WNT4: variants seen among roughly 807,000 people sequenced by gnomAD.
WNT4 encodes protein Wnt-4.
A neutral mutation model predicts 34.5 loss-of-function variants in WNT4; 16 were observed. The ratio of observed to expected loss-of-function variants is 0.46; its 90% CI spans 0.31 to 0.70. The LOEUF (loss-of-function observed/expected upper bound fraction) is 0.70, where lower values mean the gene tolerates loss of function less well. WNT4 is among the 30% of genes least tolerant of loss of function. WNT4 has a pLI of 0.04. For synonymous variants in WNT4, 200 were observed against 211.9 expected (o/e 0.94, Z 0.49); for missense variants, 379 against 495.9 (o/e 0.76, Z 2.24).
chr1:22,126,471 C>T (rs1296178970), intron 2 of WNT4, among the ~76,000 whole-genome samples: 1 of 152,352 alleles, frequency 6.6e-6, no homozygotes, highest in East Asian at 1.9e-4. Context: ...TGTTACCACC[C>T]TCTGCTTGCC....
Position 22,120,209 on chromosome 1 carries a change from C to A in WNT4, c.897G>T (p.Thr299=), listed in dbSNP as rs139205770. ...LGTRGRTCNK[T]SKAIDGCELL... ...GCTCACAGCCGTCGATGGCCTTGGA[C>A]GTCTTGTTGCATGTGCGGCCCCTCG... The change falls in exon 5 of 5, where the codon ACG becomes ACT. Residue 299 remains threonine, a synonymous_variant. Coordinates refer to ENST00000290167, the MANE Select transcript of WNT4 (RefSeq NM_030761.5). 1,085 of 1,613,892 alleles carry A rather than the reference C, an allele frequency of 6.7e-4. 1 individual carries two copies. Among genetic ancestry groups the A allele is most frequent in the Non-Finnish European group, 8.9e-4 (1,046 of 1,180,002 alleles).
At chr1:22,127,508 T>C (rs2235526) in intron 2 of WNT4, 81,993 of 526,350 alleles carry the variant, frequency 0.16, 6,844 homozygotes, top group Admixed American at 0.21. Context: ...CAATGAGCCA[T>C]GAACCTTGCC....
In WNT4 at chr1:22,140,085, G is replaced by T; in HGVS notation, c.77+2761C>A. On this transcript the variant is annotated intron_variant, in intron 1 of 4. Transcript: ENST00000290167. The surrounding 1 kb of genome is among the most constrained non-coding windows in gnomAD (Gnocchi z 5.9). ...CAGATAGTCCTGGCTCTCGCCACTG[G>T]CCAGCAGACCCACCCTGGACTCCAG... The T allele has an allele frequency of 4.0e-6, 3 of 753,202 alleles. No homozygotes were observed. The highest frequency in any genetic ancestry group is 4.9e-6 in the Non-Finnish European group (3 of 617,870). The allele number at this position is 753,202 out of a possible 1,614,324, so 46.7% of individuals were successfully genotyped here. A position where few individuals can be genotyped will look rare whatever the true frequency, so the allele number is the denominator to read the frequency against.
At position 22,120,014 on chromosome 1, in the gene WNT4, C is replaced by T. The variant is rs774575858; in HGVS notation, c.*36G>A. The T allele has an allele frequency of 6.3e-7, 1 of 1,599,048 alleles. No homozygotes were observed. The highest frequency in any genetic ancestry group is 8.5e-7 in the Non-Finnish European group (1 of 1,177,506). On this transcript the variant is annotated 3_prime_UTR_variant, in exon 5 of 5. Coordinates refer to ENST00000290167, the MANE Select transcript of WNT4 (RefSeq NM_030761.5). ...TTTAAATTATCGGCCTTCCCTGGGC[C>T]ACTAGGTGGTTGCCGGCGCAGGGCT...
intron 4 of WNT4, 81 bp from the exon 5 acceptor site, chr1:22,120,598 G>A: frequency 7.0e-7 from 1 of 1,420,600 alleles, no homozygotes; most frequent in Non-Finnish European, 9.7e-7. Context: ...TGACAGCCGA[G>A]CATCGGGGTC....
intron 2 of WNT4, among the ~76,000 whole-genome samples, chr1:22,128,159 T>A (rs1284432509): frequency 2.0e-5 from 3 of 152,246 alleles, no homozygotes; most frequent in Non-Finnish European, 4.4e-5. Context: ...CATGCCTTTT[T>A]GGCCCCTGCC....
At chr1:22,130,824 G>A (rs1004296401) in intron 1 of WNT4, among the ~76,000 whole-genome samples, 2 of 152,206 alleles carry the variant, frequency 1.3e-5, no homozygotes, top group African/African-American at 4.8e-5. Context: ...TGAATGAATG[G>A]TGACCAAATA....
Position 22,129,691 on chromosome 1 carries a change from A to T in WNT4, c.238T>A (p.Tyr80Asn). 1.2e-6 allele frequency: 2 copies of T among 1,613,808 alleles called. No homozygotes were observed. Among genetic ancestry groups the T allele is most frequent in the Non-Finnish European group, 8.5e-7 (1 of 1,179,998 alleles). The change falls in exon 2 of 5, where the codon TAC becomes AAC. Residue 80 changes from tyrosine (Y) to asparagine (N), a missense_variant. Tyr to Asn is a moderately radical substitution (Grantham distance 143). This residue lies in a region of WNT4 where 313 missense variants were observed against 445.8 expected (regional missense o/e 0.70). Transcript: ENST00000290167. ...GAQLAIEECQ[Y>N]QFRNRRWNCS... Reference sequence around the variant, plus strand: ...TTCCAGCGCCGGTTCCGGAACTGGTACTGGCACTCCTCAATGGCCAGCTGG... The same window carrying T: ...TTCCAGCGCCGGTTCCGGAACTGGTTCTGGCACTCCTCAATGGCCAGCTGG...
chr1:22,135,229 T>G (rs1206408311), intron 1 of WNT4, among the ~76,000 whole-genome samples: 3 of 152,224 alleles, frequency 2.0e-5, no homozygotes, highest in African/African-American at 7.2e-5. Flanking sequence ...GGACCTTCAC[T>G]TATACTCTGC....
In WNT4 at chr1:22,142,432, C is replaced by G. The variant is rs963472102; in HGVS notation, c.77+414G>C. 6.6e-6 allele frequency among the ~76,000 whole-genome samples: 1 copy of G among 152,194 alleles called. No homozygotes were observed. The highest frequency in any genetic ancestry group is 2.4e-5 in the African/African-American group (1 of 41,462). On this transcript the variant is annotated intron_variant, in intron 1 of 4. Transcript: ENST00000290167. This position sits in a 1 kb window ranked among gnomAD's most constrained non-coding sequence, Gnocchi z 6.0. ...GGCGCTGGGAGCTCGCTCCGGACTT[C>G]TCGGGATTAACCTGCTATTATGTCC... is the stretch of plus-strand genomic sequence containing the variant.
intron 1 of WNT4, among the ~76,000 whole-genome samples, chr1:22,131,110 C>A (rs138020170): frequency 6.6e-6 from 1 of 152,364 alleles, no homozygotes; most frequent in Non-Finnish European, 1.5e-5. Context: ...CAGCCTTGGG[C>A]AGAGACAGTA....
At chr1:22,123,754 CTCTG>C (rs1645920229) in intron 2 of WNT4, among the ~76,000 whole-genome samples, 2 of 152,174 alleles carry the variant, frequency 1.3e-5, no homozygotes, top group African/African-American at 2.4e-5. Context: ...CTCCCAGAGG[CTCTG>C]AGCCCCTGGG....
chr1:22,135,819 T>C (rs970384110), intron 1 of WNT4, among the ~76,000 whole-genome samples: 14 of 152,130 alleles, frequency 9.2e-5, no homozygotes, highest in African/African-American at 3.4e-4. Context: ...GTGCATTTCC[T>C]CAGGCGGAGA....
Position 22,142,851 on chromosome 1 carries a change from G to A in WNT4, c.72C>T (p.Asn24=). 1 of 1,211,262 alleles carries A rather than the reference G, an allele frequency of 8.3e-7. No individual in the cohort carries two copies. The highest frequency in any genetic ancestry group is 1.4e-5 in the South Asian group (1 of 73,274). The allele number at this position is 1,211,262 out of a possible 1,614,324, so 75.0% of individuals were successfully genotyped here. A position where few individuals can be genotyped will look rare whatever the true frequency, so the allele number is the denominator to read the frequency against. The part of the protein sequence containing the change: ...VFAVFSAAAS[N]WLYLAKLSSV... Reference sequence around the variant, plus strand: ...TCGGCCCCGGCCAGACTTACAGCCAGTTGCTCGCGGCGGCTGAGAAGACGG... The same window carrying A: ...TCGGCCCCGGCCAGACTTACAGCCAATTGCTCGCGGCGGCTGAGAAGACGG... Residue 24 remains asparagine, a synonymous_variant, in exon 1 of 5, where the codon AAC becomes AAT. Coordinates refer to ENST00000290167, the MANE Select transcript of WNT4 (RefSeq NM_030761.5). The surrounding 1 kb of genome is among the most constrained non-coding windows in gnomAD (Gnocchi z 6.0).
intron 2 of WNT4, among the ~76,000 whole-genome samples, chr1:22,122,170 G>C (rs1645904814): frequency 6.6e-6 from 1 of 152,154 alleles, no homozygotes; most frequent in Admixed American, 6.5e-5. Flanking sequence ...AAAATGTCTT[G>C]CTTCCTTAGA....
At chr1:22,124,011 G>T (rs1645922804) in intron 2 of WNT4, among the ~76,000 whole-genome samples, 5 of 152,224 alleles carry the variant, frequency 3.3e-5, no homozygotes, top group Admixed American at 3.3e-4. Flanking sequence ...ACCTGGTTCT[G>T]GTGTCCAGCC....
chr1:22,132,350 C>T (rs912559701), intron 1 of WNT4, among the ~76,000 whole-genome samples: 3 of 152,206 alleles, frequency 2.0e-5, no homozygotes, highest in African/African-American at 4.8e-5. Flanking sequence ...TCAAGGGAGG[C>T]ACCCAAGGGC....
chr1:22,131,667 G>A, intron 1 of WNT4, among the ~76,000 whole-genome samples: 1 of 152,244 alleles, frequency 6.6e-6, no homozygotes, highest in East Asian at 1.9e-4. Context: ...TTTGCTGTGT[G>A]ATGCACCTGG....
Position 22,143,038 on chromosome 1 carries a change from T to G in WNT4, c.-116A>C, listed in dbSNP as rs1241098559. 3.1e-6 allele frequency: 1 copy of G among 327,528 alleles called. No homozygotes were observed. The highest frequency in any genetic ancestry group is 1.1e-4 in the South Asian group (1 of 8,750). 20.3% of individuals were successfully genotyped at this position (327,528 alleles called of 1,614,324 possible). On this transcript the variant is annotated 5_prime_UTR_variant, in exon 1 of 5. Coordinates refer to ENST00000290167, the MANE Select transcript of WNT4 (RefSeq NM_030761.5). ...GGGGCGCGCGCGGCGGGGCTCTGCCTCCGTGTGCCTGCCGGCAGCCTGCCC... is the reference window on the plus strand; with the variant it reads ...GGGGCGCGCGCGGCGGGGCTCTGCCGCCGTGTGCCTGCCGGCAGCCTGCCC...
Sources: allele counts gnomAD v4.1 joint callset (sites outside exome capture counted in the v4.1 genomes callset), GRCh38; gene constraint gnomAD v4.1.1; regional missense constraint gnomAD v4.1.1; non-coding constraint Gnocchi (gnomAD v3.1); transcripts MANE v1.5; gene names NCBI Gene and HGNC (gene_info 2026-07-23, HGNC 2026-07-21).